Variants in C17orf99 observed in about 807,000 individuals in gnomAD.
C17orf99 encodes the protein protein IL-40.
C17orf99 carries 18 observed loss-of-function variants against 22.6 expected under a neutral mutation model. The observed-to-expected ratio is 0.80, with a 90% CI of 0.55 to 1.18. The LOEUF (loss-of-function observed/expected upper bound fraction) is 1.18. C17orf99 is among the 50% of genes most tolerant of loss of function. The pLI is 0.00. For missense variants in C17orf99, 328 were observed against 342.7 expected (o/e 0.96, Z 0.34); for synonymous variants, 147 against 136.6 (o/e 1.08, Z -0.53).
intron 2 of C17orf99, chr17:78,158,262 C>T: frequency 1.9e-6 from 1 of 532,868 alleles, no homozygotes. Flanking sequence ...GCTGGCTTGG[C>T]TCTGCCCTGG....
At chr17:78,154,996 G>C (rs2075514175) in intron 2 of C17orf99, among the ~76,000 whole-genome samples, 1 of 152,134 alleles carries the variant, frequency 6.6e-6, no homozygotes. Flanking sequence ...GTCTAGACCA[G>C]AGTTGTCAAC....
intron 4 of C17orf99, chr17:78,164,583 C>T (rs1325362903): frequency 1.3e-6 from 2 of 1,528,900 alleles, no homozygotes; most frequent in South Asian, 1.2e-5. Flanking sequence ...GCCCAGGGCA[C>T]CCACCATCGT....
rs1415325069 is a variant in C17orf99, at chr17:78,164,277, C to T, written c.553C>T (p.Leu185=). The part of the protein sequence containing the change: ...CHRQPANFSF[L]PSQTSDWFWC... ...CAGGCAGCCTGCCAACTTCTCCTTC[C>T]TGCCGAGCCAGACATCGGACTGGTT... Residue 185 remains leucine, a synonymous_variant, in exon 4 of 5, where the codon CTG becomes TTG. Transcript: ENST00000340363. The T allele has an allele frequency of 1.9e-6, 3 of 1,551,490 alleles. No individual in the cohort carries two copies. The highest frequency in any genetic ancestry group is 3.9e-5 in the Admixed American group (2 of 50,994).
At position 78,155,253 on chromosome 17, in the gene C17orf99, G is replaced by T. The variant is rs117154962; in HGVS notation, c.71-5702G>T. Among the ~76,000 whole-genome samples the T allele has an allele frequency of 6.1e-3, 917 of 151,490 alleles. 13 individuals carry two copies. The highest frequency in any genetic ancestry group is 0.034 in the Middle Eastern group (10 of 294). On this transcript the variant is annotated intron_variant, in intron 2 of 4. Coordinates refer to ENST00000340363, the MANE Select transcript of C17orf99 (RefSeq NM_001163075.2). The stretch of plus-strand genomic sequence containing the variant: ...CCTGGAGGCAAAATTGCTCCTGGTT[G>T]AGAGTTACTGGTCTAGAATGAAACA...
At chr17:78,158,551 T>C in intron 2 of C17orf99, 1 of 164,924 alleles carries the variant, frequency 6.1e-6, no homozygotes, top group Non-Finnish European at 1.3e-5. Flanking sequence ...CGCCTTGGCC[T>C]CCCAAAGTGC....
intron 2 of C17orf99, among the ~76,000 whole-genome samples, chr17:78,155,373 C>T (rs541966970): frequency 2.3e-4 from 35 of 152,238 alleles, no homozygotes; most frequent in African/African-American, 6.7e-4. Context: ...CATGCCCAGC[C>T]GAGCAAAGGC....
chr17:78,151,753 A>G (rs986459464), intron 2 of C17orf99, among the ~76,000 whole-genome samples: 2 of 152,144 alleles, frequency 1.3e-5, no homozygotes, highest in Admixed American at 1.3e-4. Flanking sequence ...TGATTTCCAA[A>G]TATGTTCCCA....
At chr17:78,163,079 C>A (rs997926397) in intron 3 of C17orf99, among the ~76,000 whole-genome samples, 2 of 152,220 alleles carry the variant, frequency 1.3e-5, no homozygotes, top group African/African-American at 2.4e-5. Flanking sequence ...GCCACTGCAC[C>A]CAGCCAATAG....
chr17:78,156,614 T>G (rs2075527237), intron 2 of C17orf99, among the ~76,000 whole-genome samples: 1 of 152,042 alleles, frequency 6.6e-6, no homozygotes, highest in African/African-American at 2.4e-5. Context: ...TCCTTTTAAT[T>G]AATTAATTTT....
chr17:78,155,979 T>C (rs568826531), intron 2 of C17orf99, among the ~76,000 whole-genome samples: 1 of 151,934 alleles, frequency 6.6e-6, no homozygotes, highest in African/African-American at 2.4e-5. Context: ...AATACAACCC[T>C]CTCCCTCAAA....
At position 78,146,614 on chromosome 17, in the gene C17orf99, C is replaced by T. The variant is rs1199389470; in HGVS notation, c.37+170C>T. Among the ~76,000 whole-genome samples, 1 of 152,124 alleles carries T rather than the reference C, an allele frequency of 6.6e-6. No homozygotes were observed. Among genetic ancestry groups the T allele is most frequent in the East Asian group, 1.9e-4 (1 of 5,200 alleles). ...CTTGAGTCTCGGACCAGCCCCTAAA[C>T]TTGCTGTATATGTGGTCCAGGGATT... On this transcript the variant is annotated intron_variant, in intron 1 of 4. Transcript: ENST00000340363. The surrounding 1 kb of genome is among the most constrained non-coding windows in gnomAD (Gnocchi z 5.2).
chr17:78,152,581 C>T (rs113754618), intron 2 of C17orf99, among the ~76,000 whole-genome samples: 6,378 of 151,872 alleles, frequency 0.042, 172 homozygotes, highest in South Asian at 0.088. Context: ...GTGATTCACC[C>T]ACCTTGACCT....
chr17:78,158,150 A>G, intron 2 of C17orf99: 2 of 802,840 alleles, frequency 2.5e-6, no homozygotes, highest in South Asian at 1.3e-5. Context: ...GATCCTGATC[A>G]TGGTGCTGTC....
At chr17:78,160,453 T>G (rs1023930285) in intron 2 of C17orf99, among the ~76,000 whole-genome samples, 14 of 151,388 alleles carry the variant, frequency 9.2e-5, no homozygotes, top group Non-Finnish European at 1.5e-4. Context: ...GGAGAATCAC[T>G]TGAACTCAGG....
Position 78,157,937 on chromosome 17 carries a change from A to G in C17orf99, c.71-3018A>G, listed in dbSNP as rs1598948254. The G allele has an allele frequency of 7.7e-6, 9 of 1,168,484 alleles. No homozygotes were observed. The East Asian group carries it at 2.3e-4, about 30-fold the overall frequency. The allele number at this position is 1,168,484 out of a possible 1,614,324, so 72.4% of individuals were successfully genotyped here. A position where few individuals can be genotyped will look rare whatever the true frequency, so the allele number is the denominator to read the frequency against. On this transcript the variant is annotated intron_variant, in intron 2 of 4. Transcript: ENST00000340363. ...CCACCTGGTTGGTACTGACATCTTT[A>G]CTGGGAAGAAATATGGAGATATCTG...
intron 4 of C17orf99, chr17:78,164,895 G>T: frequency 1.7e-6 from 2 of 1,171,592 alleles, no homozygotes; most frequent in Non-Finnish European, 2.1e-6. Flanking sequence ...ACCCTGACCA[G>T]TGCTCCCAGG....
At chr17:78,145,985 G>T (rs377327090), upstream of C17orf99, among the ~76,000 whole-genome samples, 1 of 151,842 alleles carries the variant, frequency 6.6e-6, no homozygotes, top group East Asian at 1.9e-4. Context: ...ATGGAGTTTC[G>T]CCATGTTGGC....
intron 4 of C17orf99, chr17:78,165,669 G>A: frequency 1.1e-6 from 1 of 893,570 alleles, no homozygotes; most frequent in Non-Finnish European, 1.4e-6. Flanking sequence ...GGGCGTGGTG[G>A]TGCGCACCTG....
At chr17:78,161,650 C>A (rs956290060) in intron 3 of C17orf99, among the ~76,000 whole-genome samples, 3 of 152,024 alleles carry the variant, frequency 2.0e-5, no homozygotes, top group Admixed American at 2.0e-4. Context: ...TCGATACCAG[C>A]CTGGGCAACA....
Sources: allele counts gnomAD v4.1 joint callset (sites outside exome capture counted in the v4.1 genomes callset), GRCh38; gene constraint gnomAD v4.1.1; non-coding constraint Gnocchi (gnomAD v3.1); transcripts MANE v1.5; gene names NCBI Gene and HGNC (gene_info 2026-07-23, HGNC 2026-07-21).